The following DPH6 variants were observed in gnomAD, a reference collection of about 807,000 sequenced individuals.
The protein encoded by DPH6 is diphthamine biosynthesis 6.
Under a neutral mutation model 38.2 loss-of-function variants are expected in DPH6, and 33 were observed. The observed-to-expected ratio is 0.86, with a 90% CI of 0.65 to 1.15. The LOEUF is 1.15. Ranked by LOEUF, DPH6 falls within the 50% of genes most tolerant of loss-of-function variation. The probability of loss-of-function intolerance (pLI) is 0.00; values close to 1 mark genes in which losing one functional copy is unlikely to be tolerated. For synonymous variants in DPH6, 108 were observed against 103.0 expected (o/e 1.05, Z -0.30); for missense variants, 325 against 320.0 (o/e 1.02, Z -0.12).
intron 3 of DPH6, among the ~76,000 whole-genome samples, chr15:35,253,125 C>A (rs1183298645): frequency 6.6e-6 from 1 of 152,180 alleles, no homozygotes; most frequent in East Asian, 1.9e-4. Flanking sequence ...CAAAAACATG[C>A]AAATTGCTCT....
intron 3 of DPH6, among the ~76,000 whole-genome samples, chr15:35,232,360 T>A (rs887294613): frequency 2.0e-5 from 3 of 152,056 alleles, no homozygotes; most frequent in Non-Finnish European, 4.4e-5. Context: ...GGCGGGTGGA[T>A]CATGAGGTCA....
intron 3 of DPH6, among the ~76,000 whole-genome samples, chr15:35,320,457 G>A (rs554104337): frequency 2.0e-5 from 3 of 152,072 alleles, no homozygotes; most frequent in Non-Finnish European, 4.4e-5. Context: ...AGGCTCCTTT[G>A]GGAATCTCCC....
chr15:35,495,318 AAAGACT>A (rs1362057756), intron 3 of DPH6, among the ~76,000 whole-genome samples: 1 of 152,182 alleles, frequency 6.6e-6, no homozygotes, highest in African/African-American at 2.4e-5. Flanking sequence ...AACACTGTTT[AAAGACT>A]TAGGGAGAAG....
intron 3 of DPH6, among the ~76,000 whole-genome samples, chr15:35,223,300 T>C (rs1173127505): frequency 6.6e-6 from 1 of 152,060 alleles, no homozygotes; most frequent in Non-Finnish European, 1.5e-5. Flanking sequence ...GATAGTGAAC[T>C]CACTCTCAGG....
At chr15:35,413,482 CA>C (rs1313424865) in intron 5 of DPH6, among the ~76,000 whole-genome samples, 46 of 151,740 alleles carry the variant, frequency 3.0e-4, no homozygotes, top group African/African-American at 1.0e-3. Context: ...TGCACAAACT[CA>C]TAATTTCTAA....
intron 3 of DPH6, among the ~76,000 whole-genome samples, chr15:35,244,266 T>C (rs772400323): frequency 4.3e-4 from 65 of 152,354 alleles, no homozygotes; most frequent in Non-Finnish European, 2.6e-4. Flanking sequence ...TTGCCCCCTT[T>C]CCACTTTTTC....
At chr15:35,192,343 C>T in the DPH6 span, among the ~76,000 whole-genome samples, 4 of 152,314 alleles carry the variant, frequency 2.6e-5, no homozygotes, top group South Asian at 8.3e-4. Flanking sequence ...GTTCCTGGCA[C>T]TGTAGCTGGT....
chr15:35,322,339 G>C (rs1443343209), intron 3 of DPH6, among the ~76,000 whole-genome samples: 1 of 152,154 alleles, frequency 6.6e-6, no homozygotes. Context: ...GGTTAGATTA[G>C]GGAGGGACTA....
chr15:35,323,683 A>G (rs1262459311), intron 3 of DPH6, among the ~76,000 whole-genome samples: 1 of 152,178 alleles, frequency 6.6e-6, no homozygotes, highest in African/African-American at 2.4e-5. Context: ...TTAATGTTCT[A>G]AAGTTATTCT....
intron 6 of DPH6, among the ~76,000 whole-genome samples, chr15:35,392,518 T>C (rs2053073997): frequency 1.3e-5 from 2 of 152,286 alleles, no homozygotes; most frequent in African/African-American, 4.8e-5. Context: ...ATTCTTAACA[T>C]AGAAGATAAT....
intron 3 of DPH6, among the ~76,000 whole-genome samples, chr15:35,270,629 C>T (rs2051816497): frequency 6.6e-6 from 1 of 152,140 alleles, no homozygotes; most frequent in African/African-American, 2.4e-5. Flanking sequence ...TCTTTAAGGG[C>T]ACCTAGAAAA....
chr15:35,382,854 G>GA (rs200446494), intron 6 of DPH6, among the ~76,000 whole-genome samples: 5,021 of 145,686 alleles, frequency 0.034, 284 homozygotes, highest in African/African-American at 0.12. Flanking sequence ...TTAAAAAAAA[G>GA]AAAAAAAAAA....
intron 5 of DPH6, among the ~76,000 whole-genome samples, chr15:35,420,098 A>G (rs972976717): frequency 6.6e-6 from 1 of 152,086 alleles, no homozygotes; most frequent in South Asian, 2.1e-4. Context: ...TTCAACCACA[A>G]TGCTATGAAA....
rs374736836 is a variant in DPH6 at position 35,466,537 on chromosome 15, C to T, written c.313-11717G>A. 1.7e-4 allele frequency among the ~76,000 whole-genome samples: 26 copies of T among 152,174 alleles called. No homozygotes were observed. The East Asian group carries it at 4.4e-3, about 26-fold the overall frequency. On this transcript the variant is annotated intron_variant, in intron 3 of 8. Coordinates refer to ENST00000256538, the MANE Select transcript of DPH6 (RefSeq NM_080650.4). ...TCTAAAATCTATACTTAAACCACTA[C>T]TACCAAGAAAAAAATCGTTTATGTA...
At chr15:35,220,823 T>G (rs1458742581) in intron 3 of DPH6, among the ~76,000 whole-genome samples, 2 of 152,082 alleles carry the variant, frequency 1.3e-5, no homozygotes, top group African/African-American at 4.8e-5. Context: ...AAAAAAAAAT[T>G]TTTTTGAAGT....
At chr15:35,245,706 C>A (rs2140405013) in intron 3 of DPH6, among the ~76,000 whole-genome samples, 1 of 152,300 alleles carries the variant, frequency 6.6e-6, no homozygotes, top group Middle Eastern at 3.4e-3. Flanking sequence ...GAACAGCTCT[C>A]TCAAATCAAA....
chr15:35,189,352 C>CTG, the DPH6 span, among the ~76,000 whole-genome samples: 1 of 152,174 alleles, frequency 6.6e-6, no homozygotes, highest in Non-Finnish European at 1.5e-5. Flanking sequence ...TCTTAGGCTT[C>CTG]CATTACATGC....
At chr15:35,267,107 A>G (rs1451095697) in intron 3 of DPH6, among the ~76,000 whole-genome samples, 1 of 152,172 alleles carries the variant, frequency 6.6e-6, no homozygotes. Flanking sequence ...ATAATCCAAG[A>G]AGTGGAAATG....
rs58422347 is a variant in DPH6, at chr15:35,542,965, T to TATATATATATATATATA, written c.24-459_24-458insTATATATATATATATAT. 1.8e-4 allele frequency among the ~76,000 whole-genome samples: 14 copies of TATATATATATATATATA among 76,168 alleles called. 1 individual carries two copies. The East Asian group carries it at 3.6e-3, about 20-fold the overall frequency. 50.0% of individuals were successfully genotyped at this position (76,168 alleles called of 152,430 possible). On this transcript the variant is annotated intron_variant, in intron 1 of 8. Transcript: ENST00000256538. ...TAAGGAATATATATATATATATATA[T>TATATATATATATATATA]AAAATAATTTCATAGAAATTATTGG...
Sources: gnomAD v4.1 joint callset for allele counts (sites outside exome capture counted in the v4.1 genomes callset) on GRCh38, gnomAD v4.1.1 for gene constraint, MANE v1.5 for transcripts, NCBI Gene and HGNC (gene_info 2026-07-23, HGNC 2026-07-21) for gene names.